KCNC4: variants seen among roughly 807,000 people sequenced by gnomAD.
The protein encoded by KCNC4 is potassium voltage-gated channel subfamily C member 4.
Under a neutral mutation model 42.8 loss-of-function variants are expected in KCNC4, and 23 were observed. That is an observed-to-expected ratio of 0.54 (90% confidence interval 0.39 to 0.76). The LOEUF is 0.76. Among genes scored for constraint, KCNC4 ranks in the 30% least tolerant of loss-of-function variants. The pLI, the probability that KCNC4 is intolerant of heterozygous loss-of-function variation, is 0.00. For missense variants in KCNC4, 751 were observed against 898.2 expected (o/e 0.84, Z 2.10); for synonymous variants, 422 against 393.5 (o/e 1.07, Z -0.86).
Position 110,211,704 on chromosome 1 carries a change from G to A in KCNC4, c.205G>A (p.Asp69Asn). The change falls in exon 1 of 4, where the codon GAC (aspartate) becomes AAC (asparagine). Residue 69 changes from aspartate (D) to asparagine (N), a missense_variant. Asp to Asn is a conservative substitution (Grantham distance 23, BLOSUM62 1). Around this residue, in one of 4 missense-constraint regions of KCNC4, gnomAD observed 183 missense variants for 255.8 expected, o/e 0.72. Coordinates refer to ENST00000438661, the MANE Select transcript of KCNC4 (RefSeq NM_001039574.3). This position sits in a 1 kb window ranked among gnomAD's most constrained non-coding sequence, Gnocchi z 6.5. ...CCGCCTCGCCTGGCTGGCCGACCCCGACGGCGGGGGCCGGCCCGAGACCGA... is the reference window on the plus strand; with the variant it reads ...CCGCCTCGCCTGGCTGGCCGACCCCAACGGCGGGGGCCGGCCCGAGACCGA... ...GTRLAWLADP[D>N]GGGRPETDGG... 6.2e-7 allele frequency: 1 copy of A among 1,609,078 alleles called. No individual in the cohort carries two copies. The highest frequency in any genetic ancestry group is 8.5e-7 in the Non-Finnish European group (1 of 1,177,794).
intron 1 of KCNC4, among the ~76,000 whole-genome samples, chr1:110,269,008 G>A (rs1257334784): frequency 1.3e-5 from 2 of 152,056 alleles, no homozygotes; most frequent in African/African-American, 2.4e-5. Context: ...GAGCCACCGC[G>A]CCCGGCCTAC....
chr1:110,234,465 G>A (rs1195871857), downstream of KCNC4: 1 of 152,300 alleles, frequency 6.6e-6, no homozygotes, highest in Non-Finnish European at 1.5e-5. Flanking sequence ...GATGAACTGA[G>A]GCCAACTAGA....
In KCNC4 at chr1:110,232,966, C is replaced by T. The variant is rs576580121; in HGVS notation, c.1875C>T (p.Leu625=). Residue 625 remains leucine (L), a synonymous_variant, in exon 4 of 4, where the codon CTC becomes CTT. Coordinates refer to ENST00000438661, the MANE Select transcript of KCNC4 (RefSeq NM_001039574.3). ...ATGCCCAGGCTGAAGTCCTCACCCT[C>T]TCTTAAAGCGGCACCAACGTGAGAG... ...SNYAQAEVLT[L]S is the part of the protein sequence containing the mutation. 4.6e-4 allele frequency: 739 copies of T among 1,610,922 alleles called. 1 individual carries two copies. Among genetic ancestry groups the T allele is most frequent in the Non-Finnish European group, 6.2e-4 (726 of 1,178,732 alleles).
Position 110,268,458 on chromosome 1 carries a change from T to C in KCNC4, n.31-14076T>C, listed in dbSNP as rs562163656. Among the ~76,000 whole-genome samples the C allele has an allele frequency of 1.9e-4, 29 of 151,720 alleles. No individual in the cohort carries two copies. In the East Asian group the frequency reaches 5.5e-3, roughly 29 times the overall value. On this transcript the variant is annotated intron_variant and non_coding_transcript_variant, in intron 1 of 2. Transcript: ENST00000412512. ...CCATCTCTAATAAAATACAAAAAAT[T>C]AGCCAGGCGTGGTGGCGGGCGCCTG...
downstream of KCNC4, chr1:110,235,632 G>A (rs567554288): frequency 6.6e-6 from 1 of 152,258 alleles, no homozygotes; most frequent in East Asian, 1.9e-4. Flanking sequence ...TGTGCAGGAG[G>A]GTGGAGGGGT....
In KCNC4 at chr1:110,211,408, TCTC is replaced by T. The variant is rs1463604515; in HGVS notation, c.-87_-85del. 8.1e-6 allele frequency: 12 copies of T among 1,481,244 alleles called. No homozygotes were observed. The highest frequency in any genetic ancestry group is 1.1e-5 in the Non-Finnish European group (12 of 1,110,356). 91.8% of individuals were successfully genotyped at this position (1,481,244 alleles called of 1,614,324 possible). ...GCCACCGCCTCCTGCCTCCTCTTCG[TCTC>T]CTCCCCCTCCCCCGTCTGACGCTGC... On this transcript the variant is annotated 5_prime_UTR_variant, in exon 1 of 4. Coordinates refer to ENST00000438661, the MANE Select transcript of KCNC4 (RefSeq NM_001039574.3). The surrounding 1 kb of genome is among the most constrained non-coding windows in gnomAD (Gnocchi z 6.5).
At position 110,232,147 on chromosome 1, in the gene KCNC4, G is replaced by T. The variant is rs768141765; in HGVS notation, c.1820-764G>T. ...GGTAGACATCCCAGGCTGAGGGTGG[G>T]ATCCCAAAAGGGCTCTCTGAGGGGT... On this transcript the variant is annotated intron_variant, in intron 3 of 3. Transcript: ENST00000438661. 6 of 1,455,414 alleles carry T rather than the reference G, an allele frequency of 4.1e-6. No individual in the cohort carries two copies. The East Asian group carries it at 1.5e-4, about 35-fold the overall frequency. 90.2% of individuals were successfully genotyped at this position (1,455,414 alleles called of 1,614,324 possible).
At chr1:110,265,246 A>G (rs973653794) in intron 1 of KCNC4, among the ~76,000 whole-genome samples, 2 of 152,124 alleles carry the variant, frequency 1.3e-5, no homozygotes, top group South Asian at 2.1e-4. Flanking sequence ...TATAGTGTTC[A>G]GGTTCTTCCT....
intron 1 of KCNC4, among the ~76,000 whole-genome samples, chr1:110,214,484 TA>T (rs1657671320): frequency 6.6e-6 from 1 of 152,212 alleles, no homozygotes; most frequent in African/African-American, 2.4e-5. Context: ...AATTAATGAA[TA>T]ACTGCTCATT....
exon 4 of KCNC4, chr1:110,248,991 A>G (rs771947182): frequency 6.6e-6 from 1 of 152,260 alleles, no homozygotes; most frequent in Non-Finnish European, 1.5e-5. Flanking sequence ...CTGTGATCCC[A>G]AGGGAATGCT....
intron 1 of KCNC4, chr1:110,220,180 A>G (rs1658015971): frequency 6.6e-6 from 1 of 152,256 alleles, no homozygotes; most frequent in African/African-American, 2.4e-5. Context: ...TTTCACTTAA[A>G]AAATGGGCAC....
rs377308928 is a variant in KCNC4 at position 110,210,924 on chromosome 1, G to C, written c.-576G>C. Among the ~76,000 whole-genome samples, 7 of 150,726 alleles carry C rather than the reference G, an allele frequency of 4.6e-5. No homozygotes were observed. The South Asian group carries it at 1.0e-3, about 22-fold the overall frequency. ...GGCCACATGCCGCCGCCGCCGCCTCGTGTTGACCGCAAGCAGCCCGGGCCC... is the reference window on the plus strand; with the variant it reads ...GGCCACATGCCGCCGCCGCCGCCTCCTGTTGACCGCAAGCAGCCCGGGCCC... On this transcript the variant is annotated 5_prime_UTR_variant, in exon 1 of 4. Transcript: ENST00000438661.
chr1:110,280,983 T>C (rs1360975279), intron 1 of KCNC4, among the ~76,000 whole-genome samples: 2 of 152,060 alleles, frequency 1.3e-5, no homozygotes, highest in African/African-American at 4.8e-5. Context: ...AACAGTTGCA[T>C]CCCTGAGGAC....
chr1:110,268,619 A>G (rs1659586103), intron 1 of KCNC4, among the ~76,000 whole-genome samples: 1 of 149,288 alleles, frequency 6.7e-6, no homozygotes, highest in African/African-American at 2.5e-5. Flanking sequence ...AGAAAAAAAA[A>G]AAAAAAAAGA....
At chr1:110,228,726 G>C (rs999449596) in intron 3 of KCNC4, 1 of 150,914 alleles carries the variant, frequency 6.6e-6, no homozygotes, top group Admixed American at 6.6e-5. Flanking sequence ...GGGCACACGC[G>C]CACAAACAGG....
At chr1:110,238,914 C>T (rs1658968933), downstream of KCNC4, 1 of 152,140 alleles carries the variant, frequency 6.6e-6, no homozygotes, top group Non-Finnish European at 1.5e-5. Flanking sequence ...GGAGAGAGGC[C>T]AGAAGACCAA....
At chr1:110,212,214 C>T in intron 1 of KCNC4, 37 bp downstream of exon 1, 1 of 1,423,860 alleles carries the variant, frequency 7.0e-7, no homozygotes, top group Non-Finnish European at 9.1e-7. Context: ...CATCTTGGGT[C>T]TGCAAGGGGT....
chr1:110,273,930 A>T (rs1659675941), intron 1 of KCNC4, among the ~76,000 whole-genome samples: 1 of 152,240 alleles, frequency 6.6e-6, no homozygotes, highest in South Asian at 2.1e-4. Flanking sequence ...ACCCAGGAAC[A>T]TAAGGAGCTT....
intron 1 of KCNC4, among the ~76,000 whole-genome samples, chr1:110,265,731 T>C (rs1399800229): frequency 6.6e-6 from 1 of 152,010 alleles, no homozygotes; most frequent in East Asian, 1.9e-4. Context: ...CCCTTGGAGG[T>C]GGGTAGGACA....
Sources: allele counts gnomAD v4.1 joint callset (sites outside exome capture counted in the v4.1 genomes callset), GRCh38; gene constraint gnomAD v4.1.1; regional missense constraint gnomAD v4.1.1; non-coding constraint Gnocchi (gnomAD v3.1); transcripts MANE v1.5; gene names NCBI Gene and HGNC (gene_info 2026-07-23, HGNC 2026-07-21).